Variants in DOCK3 observed in about 807,000 individuals in gnomAD.
DOCK3 encodes dedicator of cytokinesis protein 3.
DOCK3 carries 60 observed loss-of-function variants against 265.6 expected under a neutral mutation model. The ratio of observed to expected loss-of-function variants is 0.23; its 90% CI spans 0.18 to 0.28. The LOEUF (loss-of-function observed/expected upper bound fraction) is 0.28. DOCK3 is among the 10% of genes least tolerant of loss of function. The probability of loss-of-function intolerance (pLI) is 1.00; values close to 1 mark genes in which losing one functional copy is unlikely to be tolerated. For synonymous variants in DOCK3, 881 were observed against 938.0 expected (o/e 0.94, Z 1.11); for missense variants, 1,981 against 2,594.3 (o/e 0.76, Z 5.14).
intron 1 of DOCK3, among the ~76,000 whole-genome samples, chr3:50,769,811 C>CAA (rs3066895): frequency 1.0e-4 from 9 of 88,486 alleles, no homozygotes; most frequent in African/African-American, 3.6e-4. Flanking sequence ...GACTCTGTCT[C>CAA]AAAAAAAAAA....
At chr3:51,038,047 C>T (rs908308592) in intron 5 of DOCK3, among the ~76,000 whole-genome samples, 3 of 152,120 alleles carry the variant, frequency 2.0e-5, no homozygotes, top group Non-Finnish European at 2.9e-5. Flanking sequence ...CCAAATCACT[C>T]CCCCAAATTG....
At chr3:51,082,730 C>T (rs1418150843) in intron 7 of DOCK3, among the ~76,000 whole-genome samples, 2 of 152,142 alleles carry the variant, frequency 1.3e-5, no homozygotes, top group Non-Finnish European at 2.9e-5. Context: ...CACCAGTACC[C>T]ACACATACCT....
At chr3:51,227,581 G>A (rs1174252080) in intron 16 of DOCK3, 136 bp downstream of exon 16, 6 of 1,295,794 alleles carry the variant, frequency 4.6e-6, no homozygotes, top group Non-Finnish European at 6.3e-6. Context: ...TCAGAGATGG[G>A]ATGTCACCAG....
At chr3:50,830,442 A>AT (rs2045072428) in intron 2 of DOCK3, among the ~76,000 whole-genome samples, 1 of 152,158 alleles carries the variant, frequency 6.6e-6, no homozygotes. Flanking sequence ...ATAAATTTTC[A>AT]TTTTTTCCAT....
intron 3 of DOCK3, among the ~76,000 whole-genome samples, chr3:50,852,609 T>C (rs919579220): frequency 2.0e-5 from 3 of 152,210 alleles, no homozygotes; most frequent in African/African-American, 7.2e-5. Flanking sequence ...AGGTATTTAG[T>C]GATAATTCTC....
At chr3:51,174,486 A>G (rs2086843225) in intron 12 of DOCK3, among the ~76,000 whole-genome samples, 1 of 142,524 alleles carries the variant, frequency 7.0e-6, no homozygotes, top group Non-Finnish European at 1.5e-5. Flanking sequence ...AAATAAATAA[A>G]TAAATAAATA....
chr3:50,772,239 AT>A lies in DOCK3; in HGVS notation c.38-6435del, dbSNP rs1576391353. Among the ~76,000 whole-genome samples, 3 of 152,230 alleles carry A rather than the reference AT, an allele frequency of 2.0e-5. No homozygotes were observed. In the East Asian group the frequency reaches 5.8e-4, roughly 29 times the overall value. ...TATCACTTATTTGTGGGATCTAAAC[AT>A]CGAAACAACTGAATTATTAGAGACA... On this transcript the variant is annotated intron_variant, in intron 1 of 52. Transcript: ENST00000266037.
chr3:50,925,879 G>A (rs951724883), intron 4 of DOCK3, among the ~76,000 whole-genome samples: 61 of 140,100 alleles, frequency 4.4e-4, no homozygotes, highest in Non-Finnish European at 3.2e-4. Context: ...CGCCCAGGCT[G>A]GAGTGCAAAT....
At chr3:50,802,614 C>G (rs1381176817) in intron 2 of DOCK3, among the ~76,000 whole-genome samples, 2 of 152,134 alleles carry the variant, frequency 1.3e-5, no homozygotes, top group Non-Finnish European at 2.9e-5. Context: ...CTCTATTGGC[C>G]TGTAAGTTTT....
Position 50,788,511 on chromosome 3 carries a change from A to T in DOCK3, c.121+9753A>T, listed in dbSNP as rs145193042. 3.1e-3 allele frequency among the ~76,000 whole-genome samples: 466 copies of T among 152,326 alleles called. 5 individuals are homozygous for T. Among genetic ancestry groups the T allele is most frequent in the African/African-American group, 0.01 (427 of 41,572 alleles). ...CACTAGTGATTTTTCTTCTGAAGAGAACTACAAGGGACTTGGTGCATCTTA... is the reference window on the plus strand; with the variant it reads ...CACTAGTGATTTTTCTTCTGAAGAGTACTACAAGGGACTTGGTGCATCTTA... On this transcript the variant is annotated intron_variant, in intron 2 of 52. Coordinates refer to ENST00000266037, the MANE Select transcript of DOCK3 (RefSeq NM_004947.5).
chr3:51,148,356 A>G (rs1235004780), intron 10 of DOCK3, among the ~76,000 whole-genome samples: 1 of 152,152 alleles, frequency 6.6e-6, no homozygotes, highest in Admixed American at 6.5e-5. Flanking sequence ...ATTAGATCCC[A>G]TTTGTCAATT....
chr3:51,008,186 T>G (rs1326139094), intron 5 of DOCK3, among the ~76,000 whole-genome samples: 6 of 152,206 alleles, frequency 3.9e-5, no homozygotes, highest in Non-Finnish European at 8.8e-5. Context: ...TTGATGAGGA[T>G]GGCATTGAAT....
chr3:50,958,480 A>G (rs2076789833), intron 5 of DOCK3, among the ~76,000 whole-genome samples: 1 of 152,018 alleles, frequency 6.6e-6, no homozygotes, highest in Non-Finnish European at 1.5e-5. Context: ...CATCTTTTTT[A>G]TGTCACCAGG....
intron 5 of DOCK3, among the ~76,000 whole-genome samples, chr3:50,952,239 C>A (rs2076610750): frequency 6.6e-6 from 1 of 152,058 alleles, no homozygotes; most frequent in Admixed American, 6.5e-5. Flanking sequence ...TTCCTAATTC[C>A]TGGGAAATGT....
intron 2 of DOCK3, among the ~76,000 whole-genome samples, chr3:50,796,613 C>T (rs1251384799): frequency 6.6e-6 from 1 of 152,234 alleles, no homozygotes; most frequent in Non-Finnish European, 1.5e-5. Flanking sequence ...GTTGGGATTA[C>T]AGGCGTGAGC....
At chr3:50,980,711 A>G (rs114961666) in intron 5 of DOCK3, among the ~76,000 whole-genome samples, 3,910 of 152,086 alleles carry the variant, frequency 0.026, 79 homozygotes, top group Non-Finnish European at 0.033. Context: ...CTAGGAATTT[A>G]TCAGTTTTCT....
intron 12 of DOCK3, among the ~76,000 whole-genome samples, chr3:51,198,802 G>A (rs1012350026): frequency 2.0e-5 from 3 of 152,196 alleles, no homozygotes; most frequent in Non-Finnish European, 4.4e-5. Context: ...GGCTGAGTCA[G>A]GCGGATCACT....
At chr3:51,115,601 C>G (rs1335470643) in intron 9 of DOCK3, among the ~76,000 whole-genome samples, 1 of 152,104 alleles carries the variant, frequency 6.6e-6, no homozygotes, top group East Asian at 1.9e-4. Flanking sequence ...GTTGCCTGTT[C>G]ACTCTGATGA....
chr3:50,724,774 A>G (rs2037707863), intron 1 of DOCK3, among the ~76,000 whole-genome samples: 1 of 152,162 alleles, frequency 6.6e-6, no homozygotes, highest in East Asian at 1.9e-4. Context: ...AACATGACAC[A>G]TGTATACCTA....
Sources: allele counts gnomAD v4.1 joint callset (sites outside exome capture counted in the v4.1 genomes callset), GRCh38; gene constraint gnomAD v4.1.1; transcripts MANE v1.5; gene names NCBI Gene and HGNC (gene_info 2026-07-23, HGNC 2026-07-21).